SAMD11: variants seen among roughly 807,000 people sequenced by gnomAD.
SAMD11 encodes sterile alpha motif domain-containing protein 11.
In SAMD11, 77 loss-of-function variants were observed where a neutral mutation model predicts 64.4. That is an observed-to-expected ratio of 1.20 (90% CI 0.99 to 1.44). The LOEUF (loss-of-function observed/expected upper bound fraction) is 1.44. Among genes scored for constraint, SAMD11 ranks in the 40% most tolerant of loss-of-function variants. SAMD11 has a pLI of 0.00. For synonymous variants in SAMD11, 658 were observed against 421.9 expected, an observed-to-expected ratio of 1.56 and a Z score of -6.86; for missense variants, 1,402 against 943.3, an observed-to-expected ratio of 1.49 and a Z score of -6.37.
At position 944,328 on chromosome 1, in the gene SAMD11, G is replaced by GGCAGA; in HGVS notation, c.*178_*182dup. 7.2e-7 allele frequency: 1 copy of GGCAGA among 1,385,122 alleles called. No individual in the cohort carries two copies. The highest frequency in any genetic ancestry group is 9.3e-7 in the Non-Finnish European group (1 of 1,076,954). 85.8% of individuals were successfully genotyped at this position (1,385,122 alleles called of 1,614,324 possible). A position where few individuals can be genotyped will look rare whatever the true frequency, so the allele number is the denominator to read the frequency against. On this transcript the variant is annotated 3_prime_UTR_variant, in exon 14 of 14. Transcript: ENST00000616016. ...ATTTTCAAAGACTTGGGGGAGTGAA[G>GGCAGA]GCAGAGCCTGGTGCAGATGGACGAG...
intron 5 of SAMD11, among the ~76,000 whole-genome samples, chr1:936,750 C>T (rs1039360954): frequency 1.3e-5 from 2 of 152,190 alleles, no homozygotes; most frequent in African/African-American, 2.4e-5. Context: ...CCTCGTGCAC[C>T]TAGGAAGGCC....
Position 942,945 on chromosome 1 carries a change from C to T in SAMD11, c.1940C>T (p.Pro647Leu), listed in dbSNP as rs114478480. 1.7e-3 allele frequency: 2,567 copies of T among 1,547,212 alleles called. 46 individuals are homozygous for T. The African/African-American group carries it at 0.031, about 19-fold the overall frequency. ...PETAAVGCRG[P>L]TPGQAPAGGA... ...ACGGCAGCTGTTGGGTGCAGGGGGC[C>T]CACTCCGGGCCAAGCTCCAGCTGGA... Residue 647 changes from proline to leucine, a missense_variant, in exon 11 of 14, where the codon CCC becomes CTC. Transcript: ENST00000616016.
intron 8 of SAMD11, 78 bp downstream of exon 8, chr1:941,384 C>G (rs1641758428): frequency 7.4e-7 from 1 of 1,355,208 alleles, no homozygotes; most frequent in South Asian, 1.5e-5. Context: ...CCAGCACGCG[C>G]CCCGAGAGTG....
At chr1:933,243 A>G (rs1459037336) in intron 4 of SAMD11, among the ~76,000 whole-genome samples, 3 of 152,212 alleles carry the variant, frequency 2.0e-5, no homozygotes, top group Non-Finnish European at 4.4e-5. Context: ...GTTTCTTTAC[A>G]TAAAACTGGC....
chr1:940,920 C>G (rs933596438), intron 7 of SAMD11, among the ~76,000 whole-genome samples: 1 of 152,242 alleles, frequency 6.6e-6, no homozygotes, highest in African/African-American at 2.4e-5. Flanking sequence ...CCCGGCTCCC[C>G]TTCGGGGAAG....
intron 4 of SAMD11, among the ~76,000 whole-genome samples, chr1:932,036 C>A (rs1641190965): frequency 6.6e-6 from 1 of 152,214 alleles, no homozygotes; most frequent in South Asian, 2.1e-4. Flanking sequence ...GTCTTGGCTC[C>A]ACGCCAGATG....
rs766053074 is a variant in SAMD11, at chr1:942,786, C to A, written c.1781C>A (p.Ala594Asp). The change falls in exon 11 of 14, where the codon GCC becomes GAC. Residue 594 changes from alanine (A) to aspartate (D), a missense_variant. Physicochemically the swap from Ala to Asp is moderately radical, Grantham distance 126 (BLOSUM62 -2). Transcript: ENST00000616016. ...PTPSRDSARR[A>D]PRKGGPGPAS... ...CCGTCCCGGGACTCTGCCCGGCGAG[C>A]CCCCCGGAAGGGGGGTCCCGGCCCT... is the stretch of plus-strand genomic sequence containing the variant. 2 of 1,538,236 alleles carry A rather than the reference C, an allele frequency of 1.3e-6. No individual in the cohort carries two copies. The highest frequency in any genetic ancestry group is 1.7e-6 in the Non-Finnish European group (2 of 1,143,094).
intron 5 of SAMD11, among the ~76,000 whole-genome samples, chr1:937,406 C>G (rs1279387456): frequency 2.6e-5 from 3 of 116,772 alleles, no homozygotes; most frequent in East Asian, 2.4e-4. Flanking sequence ...GCCCCCCCCC[C>G]CACCCAGTCA....
rs1217063583 is a variant in SAMD11, at chr1:942,719, G to GC, written c.1717dup (p.Leu573ProfsTer45). The GC allele has an allele frequency of 1.5e-5, 22 of 1,461,000 alleles. No individual in the cohort carries two copies. In the Admixed American group the frequency reaches 5.0e-4, roughly 33 times the overall value. 90.5% of individuals were successfully genotyped at this position (1,461,000 alleles called of 1,614,324 possible). A position where few individuals can be genotyped will look rare whatever the true frequency, so the allele number is the denominator to read the frequency against. The stretch of plus-strand genomic sequence containing the variant: ...GAACCACGGCGCGGCGCCACTGCTG[G>GC]CCCTGCCCCCCCAGGGGCCCCCGGG... On this transcript the variant is annotated frameshift_variant, in exon 11 of 14. Transcript: ENST00000616016. LOFTEE classifies it high-confidence loss of function.
intron 4 of SAMD11, among the ~76,000 whole-genome samples, chr1:933,298 G>GGGGCC (rs1641255757): frequency 6.6e-6 from 1 of 152,208 alleles, no homozygotes; most frequent in Non-Finnish European, 1.5e-5. Flanking sequence ...CAGGTTTTCA[G>GGGGCC]GGGCCGGGCC....
At chr1:927,245 C>G (rs1420523461) in intron 2 of SAMD11, among the ~76,000 whole-genome samples, 1 of 152,206 alleles carries the variant, frequency 6.6e-6, no homozygotes, top group African/African-American at 2.4e-5. Context: ...CCAGTTCCCT[C>G]CTTTCAAGCA....
At chr1:929,192 G>GCC (rs1477227715) in intron 2 of SAMD11, among the ~76,000 whole-genome samples, 3 of 152,212 alleles carry the variant, frequency 2.0e-5, no homozygotes, top group African/African-American at 7.2e-5. Flanking sequence ...TGTGCAGGGT[G>GCC]CCGCGGGCAC....
In SAMD11 at chr1:942,226, G is replaced by T; in HGVS notation, c.1449G>T (p.Val483=). 1 of 1,351,862 alleles carries T rather than the reference G, an allele frequency of 7.4e-7. No individual in the cohort carries two copies. The highest frequency in any genetic ancestry group is 3.1e-5 in the Admixed American group (1 of 32,428). The allele number at this position is 1,351,862 out of a possible 1,614,324, so 83.7% of individuals were successfully genotyped here. ...ATCTCAGGCCCCCCTTCCTGGGGGT[G>T]CCCTCGGCTCTGTGCCAGACCCCAG... The part of the protein sequence containing the change: ...GPHLRPPFLG[V]PSALCQTPGY... Residue 483 remains valine (V), a synonymous_variant, in exon 9 of 14, where the codon GTG becomes GTT. Transcript: ENST00000616016.
intron 1 of SAMD11, chr1:925,636 G>C (rs1640846763): frequency 3.1e-6 from 1 of 325,328 alleles, no homozygotes; most frequent in Non-Finnish European, 5.8e-6. Context: ...CGGTTCCCTC[G>C]GGGCCGGGGA....
intron 4 of SAMD11, 46 bp downstream of exon 4, chr1:931,135 T>TCCCAGG: frequency 6.9e-7 from 1 of 1,445,506 alleles, no homozygotes. Flanking sequence ...GTGACTCCCC[T>TCCCAGG]CCCTCCCTCC....
chr1:929,958 C>T (rs1202653601), intron 2 of SAMD11, among the ~76,000 whole-genome samples, 197 bp from the exon 3 acceptor site: 1 of 152,198 alleles, frequency 6.6e-6, no homozygotes, highest in Non-Finnish European at 1.5e-5. Flanking sequence ...CTGCTGGCCC[C>T]AGGCGCATCC....
rs756128399 is a variant in SAMD11 at position 944,167 on chromosome 1, A to AG, written c.*18dup. On this transcript the variant is annotated 3_prime_UTR_variant, in exon 14 of 14. Coordinates refer to ENST00000616016, the MANE Select transcript of SAMD11 (RefSeq NM_001385641.1). ...CCTCTGTGTTGAGGTTGCCGGGGGT[A>AG]GGGGTGGGGCCACACAAATCTCCAG... 2.0e-5 allele frequency: 31 copies of AG among 1,532,830 alleles called. No individual in the cohort carries two copies. Among genetic ancestry groups the AG allele is most frequent in the Non-Finnish European group, 2.5e-5 (29 of 1,138,936 alleles). The allele number at this position is 1,532,830 out of a possible 1,614,324, so 95.0% of individuals were successfully genotyped here.
rs1335585713 is a variant in SAMD11, at chr1:943,027, C to T, written c.2022C>T (p.Phe674=). 8 of 1,531,186 alleles carry T rather than the reference C, an allele frequency of 5.2e-6. No individual in the cohort carries two copies. In the South Asian group the frequency reaches 7.7e-5, roughly 15 times the overall value. The allele number at this position is 1,531,186 out of a possible 1,614,324, so 94.8% of individuals were successfully genotyped here. ...CAGGGTCCACACTGCCCCTGGGCTT[C>T]CCTTATGCCGTCAGCCCCTACTTCC... ...LFPGSTLPLG[F]PYAVSPYFHT... Residue 674 remains phenylalanine, a synonymous_variant, in exon 11 of 14, where the codon TTC becomes TTT. Coordinates refer to ENST00000616016, the MANE Select transcript of SAMD11 (RefSeq NM_001385641.1).
intron 3 of SAMD11, 114 bp from the exon 4 acceptor site, chr1:930,925 G>T (rs780322350): frequency 6.4e-5 from 66 of 1,028,282 alleles, no homozygotes; most frequent in Non-Finnish European, 9.6e-5. Context: ...CACTGCCCAG[G>T]GCTGTGGCCC....
Sources: allele counts gnomAD v4.1 joint callset (sites outside exome capture counted in the v4.1 genomes callset), GRCh38; gene constraint gnomAD v4.1.1; transcripts MANE v1.5; gene names NCBI Gene and HGNC (gene_info 2026-07-23, HGNC 2026-07-21).